Variants in STIM2 observed in about 807,000 individuals in gnomAD.
The protein encoded by STIM2 is stromal interaction molecule 2.
Under a neutral mutation model 85.8 loss-of-function variants are expected in STIM2, and 31 were observed. The ratio of observed to expected loss-of-function variants is 0.36; its 90% CI spans 0.27 to 0.49. The LOEUF is 0.49. Among genes scored for constraint, STIM2 ranks in the 20% least tolerant of loss-of-function variants. The probability of loss-of-function intolerance (pLI) is 0.98; values close to 1 mark genes in which losing one functional copy is unlikely to be tolerated. For missense variants in STIM2, 841 were observed against 927.6 expected (o/e 0.91, Z 1.21); for synonymous variants, 356 against 331.1 (o/e 1.08, Z -0.82).
chr4:26,915,671 G>A (rs1446351148), intron 1 of STIM2, among the ~76,000 whole-genome samples: 3 of 152,222 alleles, frequency 2.0e-5, no homozygotes, highest in Non-Finnish European at 4.4e-5. Flanking sequence ...GCTGACTTGG[G>A]TTAGGTCTCA....
chr4:26,861,417 A>T (rs985368513), intron 1 of STIM2, 48 bp downstream of exon 1: 19 of 1,263,902 alleles, frequency 1.5e-5, no homozygotes, highest in Non-Finnish European at 1.8e-5. Context: ...CAGCGATGGG[A>T]CCCCCAACCC....
chr4:27,007,547 G>GA lies in STIM2; in HGVS notation c.1001dup (p.Ala335GlyfsTer6). On this transcript the variant is annotated frameshift_variant, in exon 8 of 12. Transcript: ENST00000467087. LOFTEE classifies it high-confidence loss of function. The stretch of plus-strand genomic sequence containing the variant: ...CCTTCTTCTAGGTTCGCATGGCTCT[G>GA]AAAAAGGCCGAAAAAGAATTTGAAC... The GA allele has an allele frequency of 6.4e-7, 1 of 1,554,154 alleles. No homozygotes were observed.
At chr4:26,891,963 G>A (rs1315205805) in intron 1 of STIM2, among the ~76,000 whole-genome samples, 1 of 152,172 alleles carries the variant, frequency 6.6e-6, no homozygotes, top group Non-Finnish European at 1.5e-5. Flanking sequence ...AATCTTGGGT[G>A]TGGGTCTTTC....
chr4:26,977,937 GA>G (rs1409186892), intron 3 of STIM2, among the ~76,000 whole-genome samples: 3 of 152,100 alleles, frequency 2.0e-5, no homozygotes, highest in Non-Finnish European at 4.4e-5. Flanking sequence ...GACGCTTAGT[GA>G]AGAAAGCATT....
chr4:26,864,735 A>G (rs1722333157), intron 1 of STIM2, among the ~76,000 whole-genome samples: 1 of 152,158 alleles, frequency 6.6e-6, no homozygotes, highest in Non-Finnish European at 1.5e-5. Flanking sequence ...TAAAATCTCA[A>G]TTAAGATTTA....
At chr4:26,900,988 T>G (rs1723897461) in intron 1 of STIM2, among the ~76,000 whole-genome samples, 1 of 152,196 alleles carries the variant, frequency 6.6e-6, no homozygotes, top group African/African-American at 2.4e-5. Context: ...ATATTTCAGT[T>G]GCTGATCCTT....
chr4:27,007,977 C>T, intron 8 of STIM2: 1 of 716,840 alleles, frequency 1.4e-6, no homozygotes, highest in South Asian at 1.5e-5. Context: ...AGCTTTTTTC[C>T]TCTAGGTTGC....
chr4:26,884,520 T>G (rs986220311), intron 1 of STIM2, among the ~76,000 whole-genome samples: 2 of 152,224 alleles, frequency 1.3e-5, no homozygotes, highest in African/African-American at 2.4e-5. Context: ...GAGTGTGACT[T>G]ACTGCTTCTA....
chr4:26,925,826 A>G (rs1462970050), intron 2 of STIM2, among the ~76,000 whole-genome samples: 2 of 86,420 alleles, frequency 2.3e-5, no homozygotes, highest in African/African-American at 7.0e-5. Flanking sequence ...CAACTTCAGC[A>G]AAGTCTCAGG....
intron 3 of STIM2, among the ~76,000 whole-genome samples, chr4:26,967,223 A>C (rs559449899): frequency 2.0e-5 from 3 of 152,142 alleles, no homozygotes; most frequent in Non-Finnish European, 4.4e-5. Flanking sequence ...TCACTGGGAG[A>C]TTATAGTTGC....
intron 10 of STIM2, among the ~76,000 whole-genome samples, chr4:27,013,685 T>C (rs1728638405): frequency 6.6e-6 from 1 of 152,072 alleles, no homozygotes; most frequent in African/African-American, 2.4e-5. Context: ...CTGTGAAATG[T>C]AGCCTACCTT....
chr4:26,988,268 G>A (rs893886108), intron 3 of STIM2, among the ~76,000 whole-genome samples: 9 of 152,122 alleles, frequency 5.9e-5, no homozygotes, highest in Non-Finnish European at 1.3e-4. Context: ...TAAATCCTAT[G>A]GCAGATATAA....
chr4:27,002,969 A>G lies in STIM2; in HGVS notation c.846A>G (p.Glu282=), dbSNP rs1329391816. 1 of 1,598,806 alleles carries G rather than the reference A, an allele frequency of 6.3e-7. No homozygotes were observed. The highest frequency in any genetic ancestry group is 1.4e-5 in the African/African-American group (1 of 73,706). The stretch of plus-strand genomic sequence containing the variant: ...AAGAAAACAGAAATGTTGCTGTAGA[A>G]AAGCAAAATTTAGAGCGCAAAATGA... The change falls in exon 7 of 12, where the codon GAA becomes GAG. Residue 282 remains glutamate (E), a synonymous_variant. Coordinates refer to ENST00000467087, the MANE Select transcript of STIM2 (RefSeq NM_020860.4).
intron 3 of STIM2, among the ~76,000 whole-genome samples, chr4:26,990,269 C>T (rs985692056): frequency 4.6e-5 from 7 of 151,994 alleles, no homozygotes; most frequent in South Asian, 2.1e-4. Context: ...CATATACCAA[C>T]GAAACAGAAT....
chr4:26,931,918 C>T (rs929453718), intron 2 of STIM2, among the ~76,000 whole-genome samples: 6 of 152,148 alleles, frequency 3.9e-5, no homozygotes, highest in Admixed American at 2.0e-4. Context: ...AAATGGATTA[C>T]GTGGTCAAAA....
chr4:26,997,538 G>A (rs371555386), intron 4 of STIM2, among the ~76,000 whole-genome samples: 2 of 152,160 alleles, frequency 1.3e-5, no homozygotes, highest in East Asian at 3.9e-4. Flanking sequence ...TTTACCTCTG[G>A]ACTCATATTG....
intron 11 of STIM2, chr4:27,021,004 T>G: frequency 6.5e-7 from 1 of 1,536,976 alleles, no homozygotes; most frequent in Non-Finnish European, 8.7e-7. Context: ...TGAACAGTAT[T>G]CACCTTGGGC....
chr4:26,959,015 C>T (rs1004640636), intron 3 of STIM2, among the ~76,000 whole-genome samples: 1 of 152,192 alleles, frequency 6.6e-6, no homozygotes, highest in Non-Finnish European at 1.5e-5. Flanking sequence ...CAGCCACCAT[C>T]GTCTCTTGCC....
At chr4:27,010,346 A>G (rs1395942943) in intron 10 of STIM2, among the ~76,000 whole-genome samples, 1 of 152,172 alleles carries the variant, frequency 6.6e-6, no homozygotes, top group South Asian at 2.1e-4. Context: ...CGGGAGGCTG[A>G]GGCAGGAGAA....
Sources: allele counts gnomAD v4.1 joint callset (sites outside exome capture counted in the v4.1 genomes callset), GRCh38; gene constraint gnomAD v4.1.1; transcripts MANE v1.5; gene names NCBI Gene and HGNC (gene_info 2026-07-23, HGNC 2026-07-21).